Variants in RTN4IP1 observed in about 807,000 individuals in gnomAD.
RTN4IP1 encodes the protein NAD(P)H oxidoreductase RTN4IP1, mitochondrial.
A neutral mutation model predicts 46.6 loss-of-function variants in RTN4IP1; 32 were observed. That is an observed-to-expected ratio of 0.69 (90% CI 0.52 to 0.92). The LOEUF (loss-of-function observed/expected upper bound fraction) is 0.92, where lower values mean the gene tolerates loss of function less well. RTN4IP1 is among the 40% of genes least tolerant of loss of function. The pLI, the probability that RTN4IP1 is intolerant of heterozygous loss-of-function variation, is 0.00. For missense variants in RTN4IP1, 424 were observed against 485.8 expected, an observed-to-expected ratio of 0.87 and a Z score of 1.20; for synonymous variants, 167 against 161.8, an observed-to-expected ratio of 1.03 and a Z score of -0.24.
At chr6:106,628,412 G>T (rs1216995491) in intron 1 of RTN4IP1, among the ~76,000 whole-genome samples, 1 of 151,874 alleles carries the variant, frequency 6.6e-6, no homozygotes, top group African/African-American at 2.4e-5. Context: ...AGGTTGCAGT[G>T]AGCTGAGATC....
intron 1 of RTN4IP1, among the ~76,000 whole-genome samples, chr6:106,628,033 A>T (rs1362397693): frequency 1.1e-4 from 15 of 140,248 alleles, no homozygotes; most frequent in African/African-American, 4.0e-4. Context: ...GCGCCCTTGC[A>T]CTCCAGCCTG....
At chr6:106,606,309 T>C (rs1248280850) in intron 4 of RTN4IP1, among the ~76,000 whole-genome samples, 2 of 151,860 alleles carry the variant, frequency 1.3e-5, no homozygotes, top group Non-Finnish European at 2.9e-5. Context: ...GTCCTAGCTA[T>C]TTGGGAGGCT....
chr6:106,615,980 G>A (rs1003698949), intron 4 of RTN4IP1, among the ~76,000 whole-genome samples: 14 of 151,306 alleles, frequency 9.3e-5, no homozygotes, highest in African/African-American at 2.7e-4. Flanking sequence ...GTACCGTTGC[G>A]CAATCTCAGC....
intron 5 of RTN4IP1, among the ~76,000 whole-genome samples, chr6:106,600,495 C>A (rs1463677128): frequency 6.6e-6 from 1 of 152,086 alleles, no homozygotes; most frequent in Non-Finnish European, 1.5e-5. Context: ...CAATGTTGTG[C>A]AACCATCACC....
intron 8 of RTN4IP1, among the ~76,000 whole-genome samples, chr6:106,576,062 C>T (rs1775219625): frequency 6.6e-6 from 1 of 152,116 alleles, no homozygotes; most frequent in African/African-American, 2.4e-5. Context: ...ACAGGTATGC[C>T]CCTGACCTCT....
intron 4 of RTN4IP1, among the ~76,000 whole-genome samples, chr6:106,611,060 C>A (rs115617546): frequency 0.071 from 10,568 of 149,656 alleles, 533 homozygotes; most frequent in East Asian, 0.19. Context: ...AAAAAAAAAA[C>A]AAAAACACGA....
intron 2 of RTN4IP1, 38 bp downstream of exon 2, chr6:106,622,780 T>C: frequency 6.3e-7 from 1 of 1,586,298 alleles, no homozygotes. Flanking sequence ...GGTCTGTGGG[T>C]TGGATCCCCG....
At chr6:106,607,769 T>C (rs1268829361) in intron 4 of RTN4IP1, 2 of 152,094 alleles carry the variant, frequency 1.3e-5, no homozygotes, top group Non-Finnish European at 2.9e-5. Context: ...AAGATTAGCA[T>C]GGTCCCTGAG....
intron 4 of RTN4IP1, among the ~76,000 whole-genome samples, chr6:106,610,430 A>G (rs1352414561): frequency 1.3e-5 from 2 of 152,176 alleles, no homozygotes; most frequent in African/African-American, 4.8e-5. Context: ...TTGTGGCTCA[A>G]CTAATTATTC....
chr6:106,610,399 G>A (rs779183421), intron 4 of RTN4IP1, among the ~76,000 whole-genome samples: 27 of 152,084 alleles, frequency 1.8e-4, no homozygotes, highest in South Asian at 4.1e-4. Context: ...TAAGCCGGTC[G>A]GTCTTCTAAA....
chr6:106,591,254 C>A (rs1775654980), intron 6 of RTN4IP1, among the ~76,000 whole-genome samples: 1 of 152,130 alleles, frequency 6.6e-6, no homozygotes, highest in African/African-American at 2.4e-5. Context: ...TTGTCTGGTT[C>A]ACCACTGTAG....
chr6:106,596,105 T>G (rs1194049548), intron 5 of RTN4IP1, among the ~76,000 whole-genome samples: 2 of 152,340 alleles, frequency 1.3e-5, no homozygotes, highest in African/African-American at 4.8e-5. Context: ...CTTGAGTCTT[T>G]TGACATGACC....
At chr6:106,579,004 A>C (rs531842457) in intron 8 of RTN4IP1, among the ~76,000 whole-genome samples, 4 of 152,006 alleles carry the variant, frequency 2.6e-5, no homozygotes, top group Admixed American at 6.6e-5. Context: ...TGGGAGGCCA[A>C]GGTGGGTGGA....
In RTN4IP1 at chr6:106,596,382, A is replaced by AG. The variant is rs1339252557; in HGVS notation, c.670-4083dup. Among the ~76,000 whole-genome samples, 3 of 152,186 alleles carry AG rather than the reference A, an allele frequency of 2.0e-5. No individual in the cohort carries two copies. In the East Asian group the frequency reaches 5.8e-4, roughly 29 times the overall value. ...AAGGTTGCTTGAGGCCAGGAATTTG[A>AG]GACCAGCCCAGGCAACACAGCAAGA... On this transcript the variant is annotated intron_variant, in intron 5 of 8. Transcript: ENST00000369063.
intron 5 of RTN4IP1, among the ~76,000 whole-genome samples, chr6:106,596,238 A>G (rs557651236): frequency 1.3e-3 from 204 of 152,294 alleles, no homozygotes; most frequent in African/African-American, 4.7e-3. Context: ...GTGAGAAATG[A>G]TATTTCAAGT....
At chr6:106,608,324 G>T (rs569592378) in intron 4 of RTN4IP1, among the ~76,000 whole-genome samples, 1 of 152,144 alleles carries the variant, frequency 6.6e-6, no homozygotes, top group Non-Finnish European at 1.5e-5. Flanking sequence ...TTTATCAGTC[G>T]CCAGGAAGGG....
rs569179843 is a variant in RTN4IP1 at position 106,620,825 on chromosome 6, C to T, written c.495+600G>A. Among the ~76,000 whole-genome samples, 23 of 152,262 alleles carry T rather than the reference C, an allele frequency of 1.5e-4. No homozygotes were observed. The South Asian group carries it at 3.3e-3, about 22-fold the overall frequency. On this transcript the variant is annotated intron_variant, in intron 3 of 8. Transcript: ENST00000369063. The stretch of plus-strand genomic sequence containing the variant: ...AGACCACATCAATATTCCCATTAGT[C>T]GTGAAGTAAATCCAAATAAACCTTG...
chr6:106,580,727 A>AAG (rs1442101919), intron 8 of RTN4IP1, among the ~76,000 whole-genome samples: 1 of 151,926 alleles, frequency 6.6e-6, no homozygotes, highest in East Asian at 1.9e-4. Flanking sequence ...TCAAAGAAAA[A>AAG]AAAAAAAAAA....
At chr6:106,584,909 A>G (rs930136002) in intron 7 of RTN4IP1, among the ~76,000 whole-genome samples, 5 of 152,262 alleles carry the variant, frequency 3.3e-5, no homozygotes, top group African/African-American at 1.2e-4. Flanking sequence ...AGGATTCATC[A>G]TTAATAATTA....
Sources: allele counts gnomAD v4.1 joint callset (sites outside exome capture counted in the v4.1 genomes callset), GRCh38; gene constraint gnomAD v4.1.1; transcripts MANE v1.5; gene names NCBI Gene and HGNC (gene_info 2026-07-23, HGNC 2026-07-21).